Variants in C3orf70 observed in about 807,000 individuals in gnomAD.
The protein encoded by C3orf70 is chromosome 3 open reading frame 70, also known as UPF0524 protein C3orf70.
In C3orf70, 15 loss-of-function variants were observed where a neutral mutation model predicts 20.7. That is an observed-to-expected ratio of 0.72 (90% CI 0.48 to 1.11). The LOEUF (loss-of-function observed/expected upper bound fraction) is 1.11, where lower values mean the gene tolerates loss of function less well. Among genes scored for constraint, C3orf70 ranks in the 50% most tolerant of loss-of-function variants. The pLI is 0.00. For synonymous variants in C3orf70, 161 were observed against 125.7 expected (o/e 1.28, Z -1.88); for missense variants, 332 against 317.6 (o/e 1.05, Z -0.34).
intron 1 of C3orf70, among the ~76,000 whole-genome samples, chr3:185,111,653 T>C (rs1716074903): frequency 6.6e-6 from 1 of 152,148 alleles, no homozygotes; most frequent in Non-Finnish European, 1.5e-5. Flanking sequence ...GGAAAACTAT[T>C]TTGAAAAACA....
chr3:185,119,760 T>A (rs1716254966), intron 1 of C3orf70, among the ~76,000 whole-genome samples: 1 of 151,840 alleles, frequency 6.6e-6, no homozygotes, highest in South Asian at 2.1e-4. Context: ...GTGCGGTGGC[T>A]CACGCCTGTA....
At chr3:185,102,279 G>A (rs563725640) in intron 1 of C3orf70, among the ~76,000 whole-genome samples, 2 of 152,004 alleles carry the variant, frequency 1.3e-5, no homozygotes, top group Non-Finnish European at 2.9e-5. Context: ...CCAAAAACAG[G>A]CCAACAGCCA....
chr3:185,131,120 T>C (rs763715905), intron 1 of C3orf70, among the ~76,000 whole-genome samples: 8 of 152,212 alleles, frequency 5.3e-5, no homozygotes, highest in Non-Finnish European at 1.5e-5. Context: ...TCACCAACAC[T>C]TATCTTTCTT....
In C3orf70 at chr3:185,082,783, T is replaced by C. The variant is rs1255282362; in HGVS notation, c.*224A>G. 3.5e-5 allele frequency: 18 copies of C among 507,914 alleles called. No individual in the cohort carries two copies. Among genetic ancestry groups the C allele is most frequent in the South Asian group, 1.5e-4 (5 of 33,262 alleles). 31.5% of individuals were successfully genotyped at this position (507,914 alleles called of 1,614,324 possible). A position where few individuals can be genotyped will look rare whatever the true frequency, so the allele number is the denominator to read the frequency against. ...ACAATTCATGACACCAGATGCTACA[T>C]AGAAAGTAAGTCAGGATACAAAAGA... On this transcript the variant is annotated 3_prime_UTR_variant, in exon 2 of 2. Coordinates refer to ENST00000335012, the MANE Select transcript of C3orf70 (RefSeq NM_001025266.3).
chr3:185,112,222 G>A lies in C3orf70; in HGVS notation c.197-28659C>T, dbSNP rs565248285. On this transcript the variant is annotated intron_variant, in intron 1 of 1. Coordinates refer to ENST00000335012, the MANE Select transcript of C3orf70 (RefSeq NM_001025266.3). ...GGAGAATCGCTTGAACCTGGGAGGC[G>A]GAGGGTGCAGTGAGCCAAGATCACA... Among the ~76,000 whole-genome samples the A allele has an allele frequency of 5.4e-4, 82 of 152,228 alleles. 1 individual carries two copies. The South Asian group carries it at 9.5e-3, about 18-fold the overall frequency.
At chr3:185,110,460 A>AC (rs1716047922) in intron 1 of C3orf70, among the ~76,000 whole-genome samples, 1 of 152,008 alleles carries the variant, frequency 6.6e-6, no homozygotes, top group African/African-American at 2.4e-5. Context: ...GTGGATCCTG[A>AC]CTCCTGCGAG....
intron 1 of C3orf70, among the ~76,000 whole-genome samples, chr3:185,132,570 G>C (rs1403083470): frequency 1.3e-5 from 2 of 152,058 alleles, no homozygotes; most frequent in Non-Finnish European, 2.9e-5. Context: ...GCAGTATAGA[G>C]TGACAAAGAG....
At chr3:185,135,040 G>T (rs1716594938) in intron 1 of C3orf70, among the ~76,000 whole-genome samples, 1 of 152,072 alleles carries the variant, frequency 6.6e-6, no homozygotes, top group Admixed American at 6.6e-5. Flanking sequence ...AAAACAGAAG[G>T]ATCTTATTTA....
intron 1 of C3orf70, among the ~76,000 whole-genome samples, chr3:185,099,100 A>T (rs1715769262): frequency 6.6e-6 from 1 of 152,194 alleles, no homozygotes; most frequent in African/African-American, 2.4e-5. Context: ...ATCCAATATG[A>T]CCAATTTTAA....
At chr3:185,152,451 G>A (rs1293728720) in intron 1 of C3orf70, among the ~76,000 whole-genome samples, 177 bp downstream of exon 1, 2 of 152,134 alleles carry the variant, frequency 1.3e-5, no homozygotes, top group Admixed American at 6.5e-5. Flanking sequence ...AACCCCAGCC[G>A]TCCGGCGCAA....
At chr3:185,134,908 C>T (rs1442696881) in intron 1 of C3orf70, among the ~76,000 whole-genome samples, 3 of 152,068 alleles carry the variant, frequency 2.0e-5, no homozygotes, top group African/African-American at 7.2e-5. Context: ...GAGATACCAA[C>T]GAGCCTCATC....
intron 1 of C3orf70, among the ~76,000 whole-genome samples, chr3:185,146,858 C>T (rs1022105928): frequency 2.0e-5 from 3 of 152,296 alleles, no homozygotes; most frequent in South Asian, 4.1e-4. Flanking sequence ...AATTTACTAA[C>T]GAAAAGAAGT....
intron 1 of C3orf70, among the ~76,000 whole-genome samples, chr3:185,091,181 C>T (rs926807890): frequency 2.6e-5 from 4 of 152,106 alleles, no homozygotes; most frequent in Admixed American, 6.5e-5. Context: ...TATGCAAGGG[C>T]GTTCACCAGG....
At chr3:185,137,057 G>C (rs1716643576) in intron 1 of C3orf70, among the ~76,000 whole-genome samples, 1 of 152,158 alleles carries the variant, frequency 6.6e-6, no homozygotes, top group Admixed American at 6.5e-5. Context: ...ATCTCATCTT[G>C]AATTCCCACG....
At chr3:185,136,963 T>C (rs1716641614) in intron 1 of C3orf70, among the ~76,000 whole-genome samples, 1 of 151,926 alleles carries the variant, frequency 6.6e-6, no homozygotes, top group African/African-American at 2.4e-5. Context: ...TACAAATATC[T>C]GTGGGTAAAC....
rs3732935 is a variant in C3orf70 at position 185,077,145 on chromosome 3, T to C, written c.*5862A>G. 2.6e-5 allele frequency among the ~76,000 whole-genome samples: 4 copies of C among 151,436 alleles called. No homozygotes were observed. The highest frequency in any genetic ancestry group is 4.4e-5 in the Non-Finnish European group (3 of 67,838). Reference sequence around the variant, plus strand: ...TATAGGGTGCGGGGTGGGGGGGCACTGTATGGAGGACAGAGAAGGGGACAA... The same window carrying C: ...TATAGGGTGCGGGGTGGGGGGGCACCGTATGGAGGACAGAGAAGGGGACAA... On this transcript the variant is annotated 3_prime_UTR_variant, in exon 2 of 2. Coordinates refer to ENST00000335012, the MANE Select transcript of C3orf70 (RefSeq NM_001025266.3).
chr3:185,103,289 A>T (rs768845345), intron 1 of C3orf70, among the ~76,000 whole-genome samples: 16 of 152,198 alleles, frequency 1.1e-4, no homozygotes, highest in Non-Finnish European at 4.4e-5. Flanking sequence ...TTCTGGACAT[A>T]GGAACGGGCA....
intron 1 of C3orf70, among the ~76,000 whole-genome samples, chr3:185,091,976 T>A (rs1250166028): frequency 4.9e-5 from 5 of 101,108 alleles, no homozygotes; most frequent in Non-Finnish European, 5.9e-5. Context: ...TTTTTTTTTT[T>A]TTAGTAGAGA....
intron 1 of C3orf70, among the ~76,000 whole-genome samples, chr3:185,137,896 G>C (rs573094689): frequency 6.6e-6 from 1 of 152,190 alleles, no homozygotes; most frequent in South Asian, 2.1e-4. Context: ...ATAAAGATGA[G>C]AGCAGAAATC....
Sources: gnomAD v4.1 joint callset for allele counts (sites outside exome capture counted in the v4.1 genomes callset) on GRCh38, gnomAD v4.1.1 for gene constraint, MANE v1.5 for transcripts, NCBI Gene and HGNC (gene_info 2026-07-23, HGNC 2026-07-21) for gene names.